LRRC74A: variants seen among roughly 807,000 people sequenced by gnomAD.
LRRC74A encodes the protein leucine rich repeat containing 74A.
In LRRC74A, 44 loss-of-function variants were observed where a neutral mutation model predicts 57.9. That is an observed-to-expected ratio of 0.76 (90% CI 0.60 to 0.98). The LOEUF is 0.98. Among genes scored for constraint, LRRC74A ranks in the 50% least tolerant of loss-of-function variants. The pLI is 0.00. For missense variants in LRRC74A, 572 were observed against 574.0 expected (o/e 1.00, Z 0.04); for synonymous variants, 211 against 219.4 (o/e 0.96, Z 0.34).
intron 5 of LRRC74A, among the ~76,000 whole-genome samples, chr14:76,841,065 G>A (rs1401293457): frequency 4.6e-5 from 7 of 151,646 alleles, no homozygotes; most frequent in African/African-American, 7.3e-5. Context: ...TTTTTGAGAC[G>A]GAGTCTCCCT....
chr14:76,837,665 A>G (rs1237408266), intron 4 of LRRC74A, among the ~76,000 whole-genome samples: 2 of 152,124 alleles, frequency 1.3e-5, no homozygotes, highest in Non-Finnish European at 2.9e-5. Context: ...CACGGGTCCC[A>G]CCGGGAGGCC....
intron 2 of LRRC74A, 188 bp downstream of exon 2, chr14:76,828,607 C>CAGCTTCCCACGCTTGGAGAGCAGT: frequency 1.2e-6 from 1 of 810,008 alleles, no homozygotes; most frequent in Non-Finnish European, 2.1e-6. Flanking sequence ...GGGAGAGCAG[C>CAGCTTCCCACGCTTGGAGAGCAGT]TGCAGCTTCC....
intron 7 of LRRC74A, among the ~76,000 whole-genome samples, chr14:76,851,519 A>G (rs1052639996): frequency 4.6e-5 from 7 of 151,806 alleles, no homozygotes; most frequent in Non-Finnish European, 8.8e-5. Flanking sequence ...CACCACACCC[A>G]GTGAATTTTT....
chr14:76,866,070 A>T lies in LRRC74A; in HGVS notation c.1303A>T (p.Ile435Leu). 1.3e-6 allele frequency: 2 copies of T among 1,546,560 alleles called. No individual in the cohort carries two copies. The highest frequency in any genetic ancestry group is 1.8e-6 in the Non-Finnish European group (2 of 1,126,088). The change falls in exon 12 of 14, where the codon ATA becomes TTA. Residue 435 changes from isoleucine (I) to leucine (L), a missense_variant. Physicochemically the swap from Ile to Leu is conservative, Grantham distance 5. Coordinates refer to ENST00000689127, the MANE Select transcript of LRRC74A (RefSeq NM_001385106.1). ...TGTGGATGAGTTCCAGAAAGTGATG[A>T]TAGAGGTGTGCTGGGTCCTAGTGGC... ...MSVDEFQKVM[I>L]EQNKVPLNQY...
At chr14:76,849,811 A>G (rs1223361721) in intron 7 of LRRC74A, among the ~76,000 whole-genome samples, 1 of 150,712 alleles carries the variant, frequency 6.6e-6, no homozygotes, top group Non-Finnish European at 1.5e-5. Flanking sequence ...CTCAAAAAAA[A>G]AAAACCCAAA....
At position 76,867,409 on chromosome 14, in the gene LRRC74A, C is replaced by A. The variant is rs61738711; in HGVS notation, c.1362C>A (p.Leu454=). Residue 454 remains leucine (L), a synonymous_variant, in exon 13 of 14, where the codon CTC becomes CTA. Coordinates refer to ENST00000689127, the MANE Select transcript of LRRC74A (RefSeq NM_001385106.1). ...QYQVREVIKK[L]DEKTGMVNFS... ...AGGTCAGGGAGGTGATAAAGAAGCT[C>A]GATGAGAAGACAGGCATGGTGAACT... 6.2e-7 allele frequency: 1 copy of A among 1,602,348 alleles called. No homozygotes were observed. The highest frequency in any genetic ancestry group is 8.5e-7 in the Non-Finnish European group (1 of 1,170,474).
intron 11 of LRRC74A, 132 bp from the exon 12 acceptor site, chr14:76,865,836 C>A (rs997630938): frequency 1.6e-5 from 11 of 697,806 alleles, no homozygotes; most frequent in Non-Finnish European, 2.5e-5. Context: ...AGGCTCCTCA[C>A]CTTGGCCTTC....
At chr14:76,867,663 G>A (rs201166114) in intron 13 of LRRC74A, among the ~76,000 whole-genome samples, 4 of 152,298 alleles carry the variant, frequency 2.6e-5, no homozygotes, top group Admixed American at 6.5e-5. Context: ...CTGCTGGGCC[G>A]GATGCTGGGG....
intron 13 of LRRC74A, among the ~76,000 whole-genome samples, chr14:76,868,134 A>G (rs535470429): frequency 6.6e-6 from 1 of 152,178 alleles, no homozygotes; most frequent in African/African-American, 2.4e-5. Flanking sequence ...CCCACTTAGC[A>G]AGTGATGAAA....
At chr14:76,857,005 GGATGGATA>G (rs1897943727) in intron 9 of LRRC74A, among the ~76,000 whole-genome samples, 3 of 149,194 alleles carry the variant, frequency 2.0e-5, no homozygotes, top group Admixed American at 6.6e-5. Flanking sequence ...ATGGATGGAT[GGATGGATA>G]GGCGGATGGA....
At chr14:76,832,536 G>A (rs1344278471) in intron 3 of LRRC74A, among the ~76,000 whole-genome samples, 1 of 152,154 alleles carries the variant, frequency 6.6e-6, no homozygotes, top group Non-Finnish European at 1.5e-5. Context: ...TCAAACTCCT[G>A]GGCTCAGGTG....
At chr14:76,853,099 C>A in intron 8 of LRRC74A, 117 bp from the exon 9 acceptor site, 1 of 914,032 alleles carries the variant, frequency 1.1e-6, no homozygotes, top group Non-Finnish European at 1.7e-6. Flanking sequence ...CCCATCAGTC[C>A]TGGGGACCAC....
chr14:76,856,557 C>T (rs577951992), intron 9 of LRRC74A, among the ~76,000 whole-genome samples: 136 of 126,796 alleles, frequency 1.1e-3, no homozygotes, highest in African/African-American at 3.6e-3. Context: ...GATGGATGAG[C>T]GGTGAGATGA....
At chr14:76,857,135 T>TGGATGGAC (rs1487947032) in intron 9 of LRRC74A, among the ~76,000 whole-genome samples, 1 of 147,010 alleles carries the variant, frequency 6.8e-6, no homozygotes, top group African/African-American at 2.5e-5. Context: ...GATGGATGGA[T>TGGATGGAC]GGGAGAGCAG....
At chr14:76,848,794 T>C (rs1347112494) in intron 7 of LRRC74A, among the ~76,000 whole-genome samples, 1 of 152,148 alleles carries the variant, frequency 6.6e-6, no homozygotes, top group Non-Finnish European at 1.5e-5. Context: ...ATGAGAAGGC[T>C]GCAGGCAATA....
At chr14:76,841,064 C>T (rs7146659) in intron 5 of LRRC74A, among the ~76,000 whole-genome samples, 34,829 of 151,936 alleles carry the variant, frequency 0.23, 4,318 homozygotes, top group Middle Eastern at 0.34. Context: ...GTTTTTGAGA[C>T]GGAGTCTCCC....
chr14:76,830,796 T>C (rs2056855), intron 2 of LRRC74A, among the ~76,000 whole-genome samples: 115,954 of 152,170 alleles, frequency 0.76, 44,989 homozygotes, highest in African/African-American at 0.91. Context: ...GAAATGAAGA[T>C]TCCATCAACC....
At chr14:76,860,877 C>T (rs1245912506) in intron 11 of LRRC74A, 38 bp downstream of exon 11, 2 of 1,530,094 alleles carry the variant, frequency 1.3e-6, no homozygotes, top group East Asian at 4.6e-5. Context: ...TCCAGGGAGC[C>T]CTGGGGAAAG....
intron 11 of LRRC74A, among the ~76,000 whole-genome samples, chr14:76,863,017 A>C (rs1267048481): frequency 6.6e-6 from 1 of 152,176 alleles, no homozygotes; most frequent in African/African-American, 2.4e-5. Context: ...AAGAAAAAAG[A>C]GTAGGAAACC....
Sources: allele counts gnomAD v4.1 joint callset (sites outside exome capture counted in the v4.1 genomes callset), GRCh38; gene constraint gnomAD v4.1.1; transcripts MANE v1.5; gene names NCBI Gene and HGNC (gene_info 2026-07-23, HGNC 2026-07-21).